ZFPM2: variants seen among roughly 807,000 people sequenced by gnomAD.
The protein encoded by ZFPM2 is zinc finger protein ZFPM2.
Under a neutral mutation model 98.6 loss-of-function variants are expected in ZFPM2, and 20 were observed. That is an observed-to-expected ratio of 0.20 (90% CI 0.14 to 0.29). The LOEUF is 0.29. ZFPM2 is among the 10% of genes least tolerant of loss of function. The pLI is 1.00. For missense variants in ZFPM2, 1,310 were observed against 1,388.6 expected, an observed-to-expected ratio of 0.94 and a Z score of 0.90; for synonymous variants, 518 against 502.7, an observed-to-expected ratio of 1.03 and a Z score of -0.41.
intron 3 of ZFPM2, chr8:105,451,868 T>A (rs1320182130): frequency 6.6e-6 from 1 of 152,188 alleles, no homozygotes; most frequent in Non-Finnish European, 1.5e-5. Context: ...CTTTTTACTA[T>A]AATTTTTAAT....
intron 1 of ZFPM2, among the ~76,000 whole-genome samples, chr8:105,381,460 GT>G (rs1017446553): frequency 3.3e-5 from 5 of 152,120 alleles, no homozygotes; most frequent in African/African-American, 1.2e-4. Context: ...AGAACTCTTT[GT>G]TTTTGACAAC....
At chr8:105,529,906 T>G (rs1297395078) in intron 3 of ZFPM2, among the ~76,000 whole-genome samples, 4 of 152,024 alleles carry the variant, frequency 2.6e-5, no homozygotes, top group Non-Finnish European at 5.9e-5. Flanking sequence ...AATTTTTCTA[T>G]TTTTAGTAGA....
intron 4 of ZFPM2, among the ~76,000 whole-genome samples, chr8:105,628,916 A>G (rs1816707847): frequency 6.8e-6 from 1 of 147,264 alleles, no homozygotes; most frequent in Non-Finnish European, 1.5e-5. Context: ...ATGAAAAAGC[A>G]AAGGACCCAC....
chr8:105,433,222 TGTC>T (rs1812053279), intron 2 of ZFPM2, among the ~76,000 whole-genome samples: 2 of 152,242 alleles, frequency 1.3e-5, no homozygotes, highest in Non-Finnish European at 2.9e-5. Context: ...GATGAAAAGT[TGTC>T]TTATTTCATG....
intron 2 of ZFPM2, among the ~76,000 whole-genome samples, chr8:105,443,619 G>T (rs1812310612): frequency 6.6e-6 from 1 of 151,966 alleles, no homozygotes; most frequent in Non-Finnish European, 1.5e-5. Context: ...CTATATTTTT[G>T]CTCAGAATGT....
At chr8:105,354,102 T>G (rs2941655) in intron 1 of ZFPM2, among the ~76,000 whole-genome samples, 65,813 of 152,096 alleles carry the variant, frequency 0.43, 16,499 homozygotes, top group Middle Eastern at 0.59. Flanking sequence ...GCAAACCACT[T>G]AAGGATGCTA....
intron 2 of ZFPM2, among the ~76,000 whole-genome samples, chr8:105,429,293 G>A (rs1028258004): frequency 1.3e-5 from 2 of 151,870 alleles, no homozygotes; most frequent in African/African-American, 4.8e-5. Context: ...TTTCTGGTCA[G>A]CATGGATATG....
chr8:105,583,616 G>C (rs1815649387), intron 4 of ZFPM2, among the ~76,000 whole-genome samples: 1 of 152,088 alleles, frequency 6.6e-6, no homozygotes, highest in South Asian at 2.1e-4. Context: ...AATCCAAAAA[G>C]CTTTTTTTCC....
At chr8:105,672,481 C>A (rs1348402103) in intron 5 of ZFPM2, among the ~76,000 whole-genome samples, 1 of 151,994 alleles carries the variant, frequency 6.6e-6, no homozygotes, top group East Asian at 1.9e-4. Flanking sequence ...AGCAGCTTTA[C>A]TATAATTGTG....
intron 4 of ZFPM2, among the ~76,000 whole-genome samples, chr8:105,570,052 G>T (rs1815322328): frequency 1.3e-5 from 2 of 151,964 alleles, no homozygotes; most frequent in African/African-American, 4.8e-5. Flanking sequence ...CTTTTTAATT[G>T]TACCCTGTTC....
chr8:105,336,727 C>G (rs908929820), intron 1 of ZFPM2, among the ~76,000 whole-genome samples: 7 of 149,576 alleles, frequency 4.7e-5, no homozygotes, highest in Admixed American at 1.3e-4. Flanking sequence ...CACACACACA[C>G]ACAGACATAT....
chr8:105,702,929 C>T (rs1027074652), intron 5 of ZFPM2, among the ~76,000 whole-genome samples: 12 of 152,160 alleles, frequency 7.9e-5, no homozygotes, highest in Admixed American at 6.5e-5. Context: ...CAGAAAACTT[C>T]GCATAGTGTA....
At chr8:105,421,850 C>T (rs1218451255) in intron 2 of ZFPM2, among the ~76,000 whole-genome samples, 4 of 148,392 alleles carry the variant, frequency 2.7e-5, no homozygotes, top group Non-Finnish European at 6.0e-5. Flanking sequence ...GTCAGGAGAC[C>T]AGCCTGGCCA....
chr8:105,648,063 C>T (rs1430606949), intron 5 of ZFPM2, among the ~76,000 whole-genome samples: 2 of 152,050 alleles, frequency 1.3e-5, no homozygotes, highest in African/African-American at 2.4e-5. Context: ...TTTTAATGAT[C>T]ACCATTCTAA....
In ZFPM2 at chr8:105,701,664, G is replaced by A. The variant is rs144575808; in HGVS notation, c.532+67307G>A. Reference sequence around the variant, plus strand: ...GTGGTAGAAATATGCATAATTTAACGTTACAAAATACATGCCTGGAAGTTC... The same window carrying A: ...GTGGTAGAAATATGCATAATTTAACATTACAAAATACATGCCTGGAAGTTC... On this transcript the variant is annotated intron_variant, in intron 5 of 7. Transcript: ENST00000407775. Among the ~76,000 whole-genome samples the A allele has an allele frequency of 8.5e-4, 130 of 152,188 alleles. 1 individual carries two copies. The highest frequency in any genetic ancestry group is 1.5e-3 in the Non-Finnish European group (99 of 68,012).
chr8:105,614,053 A>G (rs1816363915), intron 4 of ZFPM2, among the ~76,000 whole-genome samples: 1 of 152,132 alleles, frequency 6.6e-6, no homozygotes, highest in African/African-American at 2.4e-5. Context: ...CAACAACAAA[A>G]ACAACAAAAA....
At chr8:105,328,224 G>A (rs1812150443) in intron 1 of ZFPM2, among the ~76,000 whole-genome samples, 1 of 151,702 alleles carries the variant, frequency 6.6e-6, no homozygotes, top group South Asian at 2.1e-4. Flanking sequence ...ATAGCTCAGT[G>A]AATGTATTAT....
rs1034316177 is a variant in ZFPM2, at chr8:105,318,539, C to G, written c.-403C>G. On this transcript the variant is annotated 5_prime_UTR_variant, in exon 1 of 8. Transcript: ENST00000407775. The stretch of plus-strand genomic sequence containing the variant: ...GCGAGCGCGCTCCTCCTCCCGCGCC[C>G]TGCGCCCCCGCGCTCCCCCTCTCCT... 1.3e-5 allele frequency among the ~76,000 whole-genome samples: 2 copies of G among 150,620 alleles called. No homozygotes were observed. The highest frequency in any genetic ancestry group is 3.0e-5 in the Non-Finnish European group (2 of 67,558).
In ZFPM2 at chr8:105,729,583, G is replaced by A. The variant is rs376632208; in HGVS notation, c.533-59135G>A. On this transcript the variant is annotated intron_variant, in intron 5 of 7. Coordinates refer to ENST00000407775, the MANE Select transcript of ZFPM2 (RefSeq NM_012082.4). ...ATTGTCTGTACTTTAACAACATTAC[G>A]CTAAGCATTTAGTAGCCCCTACATT... Among the ~76,000 whole-genome samples, 6 of 151,560 alleles carry A rather than the reference G, an allele frequency of 4.0e-5. No homozygotes were observed. In the East Asian group the frequency reaches 5.9e-4, roughly 15 times the overall value.
Sources: gnomAD v4.1 joint callset for allele counts (sites outside exome capture counted in the v4.1 genomes callset) on GRCh38, gnomAD v4.1.1 for gene constraint, MANE v1.5 for transcripts, NCBI Gene and HGNC (gene_info 2026-07-23, HGNC 2026-07-21) for gene names.